Variants in PLBD1 observed in about 807,000 individuals in gnomAD.
The protein encoded by PLBD1 is lysosomal leucine aminopeptidase.
PLBD1 carries 60 observed loss-of-function variants against 63.0 expected under a neutral mutation model. The observed-to-expected ratio is 0.95, with a 90% CI of 0.77 to 1.18. The LOEUF is 1.18. PLBD1 is among the 50% of genes most tolerant of loss of function. The pLI is 0.00. For synonymous variants in PLBD1, 262 were observed against 248.0 expected, an observed-to-expected ratio of 1.06 and a Z score of -0.53; for missense variants, 598 against 677.9, an observed-to-expected ratio of 0.88 and a Z score of 1.31.
intron 2 of PLBD1, among the ~76,000 whole-genome samples, chr12:14,543,080 T>TA (rs971190082): frequency 3.7e-4 from 1 of 2,676 alleles, no homozygotes; most frequent in Non-Finnish European, 0.021. Context: ...TCCACTTATA[T>TA]TACTGGGATT....
intron 10 of PLBD1, among the ~76,000 whole-genome samples, chr12:14,505,045 TA>T (rs1410392073): frequency 1.3e-5 from 2 of 151,694 alleles, no homozygotes; most frequent in African/African-American, 4.9e-5. Context: ...AATGCCATTT[TA>T]AAAAAGGAAT....
intron 1 of PLBD1, among the ~76,000 whole-genome samples, chr12:14,557,327 T>G (rs1945713815): frequency 6.6e-6 from 1 of 152,200 alleles, no homozygotes; most frequent in African/African-American, 2.4e-5. Context: ...CTCAAAGGAA[T>G]ATAAATTGTT....
intron 4 of PLBD1, among the ~76,000 whole-genome samples, chr12:14,537,741 A>G (rs1412562812): frequency 6.6e-6 from 1 of 152,222 alleles, no homozygotes; most frequent in East Asian, 1.9e-4. Flanking sequence ...TGACATTTTA[A>G]CCAAAAAACT....
At chr12:14,537,346 A>G (rs1470283826) in intron 4 of PLBD1, among the ~76,000 whole-genome samples, 1 of 152,020 alleles carries the variant, frequency 6.6e-6, no homozygotes, top group Non-Finnish European at 1.5e-5. Context: ...CTTTCTTTTC[A>G]GTTGTTGTGC....
intron 2 of PLBD1, among the ~76,000 whole-genome samples, chr12:14,547,813 T>C (rs1017167300): frequency 4.6e-5 from 7 of 152,096 alleles, no homozygotes; most frequent in Non-Finnish European, 8.8e-5. Context: ...AGAGACCATA[T>C]TGGGCTCCTT....
chr12:14,507,917 C>T (rs1309218729), intron 8 of PLBD1, among the ~76,000 whole-genome samples: 2 of 152,188 alleles, frequency 1.3e-5, no homozygotes, highest in East Asian at 1.9e-4. Context: ...TTACTGCCTA[C>T]AGAACAGTCA....
chr12:14,527,889 T>A (rs1945428968), intron 6 of PLBD1, among the ~76,000 whole-genome samples: 1 of 151,392 alleles, frequency 6.6e-6, no homozygotes, highest in Non-Finnish European at 1.5e-5. Context: ...CTGGAGTGGT[T>A]ATATTAATAT....
intron 6 of PLBD1, among the ~76,000 whole-genome samples, chr12:14,524,635 G>A (rs1158003537): frequency 1.3e-5 from 2 of 152,148 alleles, no homozygotes; most frequent in Admixed American, 1.3e-4. Context: ...TGTTTGCGGT[G>A]AAGAATATAC....
chr12:14,511,674 G>A lies in PLBD1; in HGVS notation c.882C>T (p.Ser294=). The A allele has an allele frequency of 1.9e-6, 3 of 1,614,082 alleles. No individual in the cohort carries two copies. Among genetic ancestry groups the A allele is most frequent in the Non-Finnish European group, 2.5e-6 (3 of 1,180,002 alleles). ...LESLDDFYIL[S]SGLILLQTTN... is the part of the protein sequence containing the mutation. The stretch of plus-strand genomic sequence containing the variant: ...TGGTCTGCAGCAATATCAATCCACT[G>A]CTAAGAATGTAAAAATCATCCAGAG... The change falls in exon 7 of 11, where the codon AGC becomes AGT. Residue 294 remains serine, a synonymous_variant. Coordinates refer to ENST00000240617, the MANE Select transcript of PLBD1 (RefSeq NM_024829.6).
In PLBD1 at chr12:14,538,903, GTAATCCCAGC is replaced by G. The variant is rs1203306843; in HGVS notation, c.558+1851_558+1860del. On this transcript the variant is annotated intron_variant, in intron 4 of 10. Coordinates refer to ENST00000240617, the MANE Select transcript of PLBD1 (RefSeq NM_024829.6). Reference sequence around the variant, plus strand: ...TAGCCGGGCATGGTGGCGCATGCTTGTAATCCCAGCTACTCAAGAGGCTGAGGCACGAGAA... The same window carrying G: ...TAGCCGGGCATGGTGGCGCATGCTTGTACTCAAGAGGCTGAGGCACGAGAA... 2.0e-5 allele frequency among the ~76,000 whole-genome samples: 3 copies of G among 152,100 alleles called. No individual in the cohort carries two copies. The East Asian group carries it at 5.8e-4, about 29-fold the overall frequency.
chr12:14,560,776 A>G (rs1056061448), intron 1 of PLBD1, among the ~76,000 whole-genome samples: 1 of 152,200 alleles, frequency 6.6e-6, no homozygotes, highest in African/African-American at 2.4e-5. Context: ...TTTGGCAAGT[A>G]CTTCCAGAGA....
intron 1 of PLBD1, among the ~76,000 whole-genome samples, chr12:14,566,703 T>C (rs1035973058): frequency 2.6e-5 from 4 of 152,036 alleles, no homozygotes; most frequent in African/African-American, 9.7e-5. Flanking sequence ...CTGTCTTATT[T>C]GCTGTGTTAT....
chr12:14,562,244 G>T (rs1229041238), intron 1 of PLBD1, among the ~76,000 whole-genome samples: 1 of 152,050 alleles, frequency 6.6e-6, no homozygotes, highest in African/African-American at 2.4e-5. Context: ...GATCACCTGA[G>T]GTCAGGAGTT....
chr12:14,556,985 C>A (rs1945710866), intron 1 of PLBD1, among the ~76,000 whole-genome samples: 2 of 61,902 alleles, frequency 3.2e-5, no homozygotes, highest in Non-Finnish European at 6.4e-5. Context: ...GCGGAATTCC[C>A]TCTCAAAAAA....
chr12:14,511,441 C>A (rs182700351), intron 7 of PLBD1, 41 bp from the exon 8 acceptor site: 101 of 1,613,646 alleles, frequency 6.3e-5, no homozygotes, highest in Middle Eastern at 5.0e-4. Context: ...ATGGGTATGA[C>A]TTTACTGGTT....
intron 10 of PLBD1, 140 bp from the exon 11 acceptor site, chr12:14,504,094 G>C (rs932816794): frequency 1.3e-6 from 1 of 775,378 alleles, no homozygotes; most frequent in Admixed American, 2.9e-5. Context: ...TTGTTGCCCA[G>C]ACTGGAGTAC....
intron 8 of PLBD1, 113 bp downstream of exon 8, chr12:14,511,147 T>TCTTCCCCACCATAC (rs1945294920): frequency 9.2e-7 from 1 of 1,090,190 alleles, no homozygotes; most frequent in African/African-American, 1.6e-5. Context: ...CCCCATCCTG[T>TCTTCCCCACCATAC]CTTCCCCACC....
chr12:14,564,299 G>A (rs1332900478), intron 1 of PLBD1, among the ~76,000 whole-genome samples: 1 of 152,142 alleles, frequency 6.6e-6, no homozygotes, highest in Non-Finnish European at 1.5e-5. Context: ...TATGGAGACT[G>A]AATGTTCCAG....
intron 9 of PLBD1, among the ~76,000 whole-genome samples, chr12:14,506,662 A>C (rs765011715): frequency 1.9e-4 from 29 of 152,144 alleles, no homozygotes; most frequent in Non-Finnish European, 4.0e-4. Flanking sequence ...TTTGGAGAAA[A>C]ATTTTAAAGG....
Sources: gnomAD v4.1 joint callset for allele counts (sites outside exome capture counted in the v4.1 genomes callset) on GRCh38, gnomAD v4.1.1 for gene constraint, MANE v1.5 for transcripts, NCBI Gene and HGNC (gene_info 2026-07-23, HGNC 2026-07-21) for gene names.